GNA14: variants seen among roughly 807,000 people sequenced by gnomAD.
GNA14 encodes G protein subunit alpha 14, also known as guanine nucleotide-binding protein subunit alpha-14.
GNA14 carries 50 observed loss-of-function variants against 42.0 expected under a neutral mutation model. The observed-to-expected ratio is 1.19, with a 90% CI of 0.95 to 1.51. The LOEUF is 1.51. GNA14 is among the 40% of genes most tolerant of loss of function. The probability of loss-of-function intolerance (pLI) is 0.00; values close to 1 mark genes in which losing one functional copy is unlikely to be tolerated. For synonymous variants in GNA14, 173 were observed against 163.1 expected (o/e 1.06, Z -0.46); for missense variants, 473 against 446.2 (o/e 1.06, Z -0.54).
chr9:77,634,851 G>A (rs1824156130), intron 1 of GNA14, among the ~76,000 whole-genome samples: 1 of 152,138 alleles, frequency 6.6e-6, no homozygotes. Flanking sequence ...TCTGCACTTA[G>A]CATTGTGGGT....
intron 2 of GNA14, among the ~76,000 whole-genome samples, chr9:77,490,694 C>G (rs1836756927): frequency 6.6e-6 from 1 of 152,242 alleles, no homozygotes; most frequent in Non-Finnish European, 1.5e-5. Flanking sequence ...CCTGCCAAGC[C>G]CACGCCCACC....
At chr9:77,613,149 T>A (rs1324060325) in intron 1 of GNA14, among the ~76,000 whole-genome samples, 2 of 152,148 alleles carry the variant, frequency 1.3e-5, no homozygotes, top group African/African-American at 2.4e-5. Context: ...CAGGGCCCCA[T>A]CTCCATGACG....
At chr9:77,498,965 A>C (rs986797508) in intron 2 of GNA14, among the ~76,000 whole-genome samples, 4 of 152,218 alleles carry the variant, frequency 2.6e-5, no homozygotes, top group African/African-American at 9.6e-5. Flanking sequence ...AAATGCTAAC[A>C]GCTGTGAGGA....
intron 2 of GNA14, among the ~76,000 whole-genome samples, chr9:77,514,149 T>C (rs544818212): frequency 5.3e-5 from 8 of 152,288 alleles, no homozygotes; most frequent in African/African-American, 1.9e-4. Flanking sequence ...TTGGTTATCT[T>C]GCAACTCAGA....
At chr9:77,522,594 C>G (rs1234664916) in intron 2 of GNA14, among the ~76,000 whole-genome samples, 1 of 152,128 alleles carries the variant, frequency 6.6e-6, no homozygotes, top group African/African-American at 2.4e-5. Context: ...CAAATTGAAC[C>G]CCTTCAAATT....
At chr9:77,623,206 G>A (rs1291501794) in intron 1 of GNA14, among the ~76,000 whole-genome samples, 1 of 66,960 alleles carries the variant, frequency 1.5e-5, no homozygotes, top group African/African-American at 4.7e-5. Flanking sequence ...AAAAGAGTGA[G>A]ACGCTGTCTC....
At chr9:77,511,840 A>C (rs1225127912) in intron 2 of GNA14, among the ~76,000 whole-genome samples, 4 of 152,118 alleles carry the variant, frequency 2.6e-5, no homozygotes, top group Admixed American at 6.6e-5. Flanking sequence ...ATGAACTTGG[A>C]ACTTGTGTTT....
chr9:77,549,729 G>A (rs1347599196), intron 1 of GNA14, among the ~76,000 whole-genome samples: 1 of 152,194 alleles, frequency 6.6e-6, no homozygotes, highest in South Asian at 2.1e-4. Context: ...TAAGAGTTGG[G>A]GAAAAGAGCC....
chr9:77,544,205 G>A (rs770245406), intron 1 of GNA14, among the ~76,000 whole-genome samples: 14 of 152,112 alleles, frequency 9.2e-5, no homozygotes, highest in Non-Finnish European at 1.9e-4. Context: ...TTCCAGAAAT[G>A]TAACAAAATA....
Position 77,640,333 on chromosome 9 carries a change from C to G in GNA14, c.124+7337G>C, listed in dbSNP as rs569654417. Among the ~76,000 whole-genome samples the G allele has an allele frequency of 2.6e-5, 4 of 152,286 alleles. No homozygotes were observed. The East Asian group carries it at 7.7e-4, about 29-fold the overall frequency. ...TCTTTAGTATCATCATAGCTTTGCT[C>G]CAATAATTCACTGAAAATCCCTCTC... On this transcript the variant is annotated intron_variant, in intron 1 of 6. Transcript: ENST00000341700.
At chr9:77,622,332 G>T (rs555319044) in intron 1 of GNA14, among the ~76,000 whole-genome samples, 11 of 152,218 alleles carry the variant, frequency 7.2e-5, no homozygotes, top group African/African-American at 2.6e-4. Flanking sequence ...AACAGCAAAA[G>T]AATAAGAAAT....
intron 2 of GNA14, among the ~76,000 whole-genome samples, chr9:77,447,658 A>C (rs1835844844): frequency 6.6e-6 from 1 of 152,134 alleles, no homozygotes; most frequent in Admixed American, 6.5e-5. Context: ...AGAGTTATTC[A>C]GGGATCCAGG....
intron 1 of GNA14, among the ~76,000 whole-genome samples, chr9:77,541,367 T>C (rs1478410772): frequency 1.3e-5 from 2 of 152,220 alleles, no homozygotes; most frequent in African/African-American, 4.8e-5. Context: ...CATCCCATTC[T>C]TTTCTGGCCT....
intron 2 of GNA14, among the ~76,000 whole-genome samples, chr9:77,502,203 T>A (rs1836988072): frequency 6.6e-6 from 1 of 152,192 alleles, no homozygotes; most frequent in Non-Finnish European, 1.5e-5. Flanking sequence ...TGTTTATAAT[T>A]GCTCATTGAA....
At chr9:77,629,664 G>A (rs7042534) in intron 1 of GNA14, among the ~76,000 whole-genome samples, 42,674 of 152,060 alleles carry the variant, frequency 0.28, 6,891 homozygotes, top group African/African-American at 0.44. Flanking sequence ...TCACTCATAA[G>A]TGGGAACTGA....
intron 1 of GNA14, among the ~76,000 whole-genome samples, chr9:77,603,195 T>TC (rs1823595036): frequency 6.6e-6 from 1 of 152,172 alleles, no homozygotes; most frequent in Non-Finnish European, 1.5e-5. Flanking sequence ...AGAGATCATC[T>TC]CCTACTGTTC....
rs1837792284 is a variant in GNA14 at position 77,551,959 on chromosome 9, G to A, written c.125-22706C>T. ...GTTCGAGACCAGCCTGGCCAACGTGGTGAAATCCTGTCTCTATTAAAAATA... is the reference window on the plus strand; with the variant it reads ...GTTCGAGACCAGCCTGGCCAACGTGATGAAATCCTGTCTCTATTAAAAATA... On this transcript the variant is annotated intron_variant, in intron 1 of 6. Transcript: ENST00000341700. 4.0e-5 allele frequency among the ~76,000 whole-genome samples: 6 copies of A among 151,808 alleles called. No individual in the cohort carries two copies. The South Asian group carries it at 1.2e-3, about 32-fold the overall frequency.
At chr9:77,543,991 A>G (rs1837691101) in intron 1 of GNA14, among the ~76,000 whole-genome samples, 1 of 152,198 alleles carries the variant, frequency 6.6e-6, no homozygotes, top group Non-Finnish European at 1.5e-5. Context: ...TATTATAAAT[A>G]TGGTATTCCT....
At chr9:77,488,151 T>C (rs1472627062) in intron 2 of GNA14, among the ~76,000 whole-genome samples, 1 of 152,070 alleles carries the variant, frequency 6.6e-6, no homozygotes, top group Non-Finnish European at 1.5e-5. Flanking sequence ...AGAACTCACA[T>C]ATGAGGAGGA....
Sources: allele counts gnomAD v4.1 joint callset (sites outside exome capture counted in the v4.1 genomes callset), GRCh38; gene constraint gnomAD v4.1.1; transcripts MANE v1.5; gene names NCBI Gene and HGNC (gene_info 2026-07-23, HGNC 2026-07-21).